Variants in NCAPG observed in about 807,000 individuals in gnomAD.
The protein encoded by NCAPG is non-SMC condensin I complex subunit G.
In NCAPG, 69 loss-of-function variants were observed where a neutral mutation model predicts 113.1. The ratio of observed to expected loss-of-function variants is 0.61; its 90% confidence interval spans 0.50 to 0.75. The LOEUF is 0.75. Among genes scored for constraint, NCAPG ranks in the 30% least tolerant of loss-of-function variants. The probability of loss-of-function intolerance (pLI) is 0.00; values close to 1 mark genes in which losing one functional copy is unlikely to be tolerated. For synonymous variants in NCAPG, 370 were observed against 415.8 expected (o/e 0.89, Z 1.34); for missense variants, 1,058 against 1,177.0 (o/e 0.90, Z 1.48).
intron 7 of NCAPG, 138 bp from the exon 8 acceptor site, chr4:17,822,845 T>C (rs1010431268): frequency 1.3e-5 from 7 of 540,420 alleles, no homozygotes; most frequent in Non-Finnish European, 1.2e-5. Flanking sequence ...ATTGAGTTTG[T>C]AGACCAAATT....
At position 17,811,700 on chromosome 4, in the gene NCAPG, C is replaced by T. The variant is rs143142486; in HGVS notation, c.111+512C>T. Among the ~76,000 whole-genome samples the T allele has an allele frequency of 5.9e-5, 9 of 152,262 alleles. No homozygotes were observed. The East Asian group carries it at 1.2e-3, about 20-fold the overall frequency. ...GGGCCTGGCCATTCTTATTTATGTACATACTATTTGTTTGTTTTGAGTGGA... is the reference window on the plus strand; with the variant it reads ...GGGCCTGGCCATTCTTATTTATGTATATACTATTTGTTTGTTTTGAGTGGA... On this transcript the variant is annotated intron_variant, in intron 1 of 20. Transcript: ENST00000251496. The surrounding 1 kb of genome is among the most constrained non-coding windows in gnomAD (Gnocchi z 5.3).
Position 17,826,384 on chromosome 4 carries a change from G to A in NCAPG, c.1653+823G>A, listed in dbSNP as rs117535742. ...TATATAGGAGAGTTTCATGAGTTAT[G>A]TTTCTGATCTCTTTAGCCATAGACA... On this transcript the variant is annotated intron_variant, in intron 11 of 20. Transcript: ENST00000251496. Among the ~76,000 whole-genome samples, 120 of 152,184 alleles carry A rather than the reference G, an allele frequency of 7.9e-4. 5 individuals carry two copies. The East Asian group carries it at 0.019, about 24-fold the overall frequency.
chr4:17,826,026 TTTG>T (rs1180087232), intron 11 of NCAPG, among the ~76,000 whole-genome samples: 1 of 152,114 alleles, frequency 6.6e-6, no homozygotes. Context: ...GCTACGCAGC[TTTG>T]TTATTTTTAA....
intron 11 of NCAPG, 85 bp downstream of exon 11, chr4:17,825,646 C>A: frequency 1.7e-6 from 2 of 1,205,838 alleles, no homozygotes; most frequent in Non-Finnish European, 1.2e-6. Context: ...CTAGAATTGC[C>A]AAAATATATT....
chr4:17,811,041 G>A lies in NCAPG; in HGVS notation c.-37G>A, dbSNP rs1720898373. ...TGGCGGGCTGGCAGGCTGTAGCCGAGCGCGGGCAGGACTCGTCCCGGCAGG... is the reference window on the plus strand; with the variant it reads ...TGGCGGGCTGGCAGGCTGTAGCCGAACGCGGGCAGGACTCGTCCCGGCAGG... On this transcript the variant is annotated 5_prime_UTR_variant, in exon 1 of 21. Transcript: ENST00000251496. This position sits in a 1 kb window ranked among gnomAD's most constrained non-coding sequence, Gnocchi z 5.3. The A allele has an allele frequency of 3.0e-6, 4 of 1,350,274 alleles. No individual in the cohort carries two copies. Among genetic ancestry groups the A allele is most frequent in the Non-Finnish European group, 4.0e-6 (4 of 1,010,346 alleles). The allele number at this position is 1,350,274 out of a possible 1,614,324, so 83.6% of individuals were successfully genotyped here. A position where few individuals can be genotyped will look rare whatever the true frequency, so the allele number is the denominator to read the frequency against.
At chr4:17,840,581 T>C in intron 18 of NCAPG, 26 bp from the exon 19 acceptor site, 1 of 1,248,696 alleles carries the variant, frequency 8.0e-7, no homozygotes, top group Admixed American at 2.8e-5. Flanking sequence ...ATCTTATTTA[T>C]ATTGTTGTAT....
At chr4:17,825,708 C>T (rs1265334872) in intron 11 of NCAPG, 147 bp downstream of exon 11, 1 of 650,822 alleles carries the variant, frequency 1.5e-6, no homozygotes, top group East Asian at 3.5e-5. Flanking sequence ...AAAAGTTTTT[C>T]CCTGTTTCTA....
intron 7 of NCAPG, among the ~76,000 whole-genome samples, chr4:17,818,529 A>G (rs1198614045): frequency 2.0e-5 from 3 of 152,198 alleles, no homozygotes; most frequent in Non-Finnish European, 4.4e-5. Flanking sequence ...ATTGACTTTT[A>G]TGGCCACTAA....
intron 7 of NCAPG, 33 bp downstream of exon 7, chr4:17,818,121 T>C: frequency 6.3e-7 from 1 of 1,579,364 alleles, no homozygotes; most frequent in Non-Finnish European, 8.6e-7. Context: ...TGGAGAGTGA[T>C]TGTGTTGCTG....
chr4:17,839,557 A>G, intron 16 of NCAPG, 119 bp from the exon 17 acceptor site: 1 of 724,950 alleles, frequency 1.4e-6, no homozygotes, highest in Non-Finnish European at 2.0e-6. Flanking sequence ...TTGGTTTTAG[A>G]CATTTTATAT....
chr4:17,811,264 C>T lies in NCAPG; in HGVS notation c.111+76C>T, dbSNP rs1336565706. ...TCCCTCAGGGGCCCTCCGTGGCCCTCGGGCTCGGCGCACCGTGACTCCAGC... is the reference window on the plus strand; with the variant it reads ...TCCCTCAGGGGCCCTCCGTGGCCCTTGGGCTCGGCGCACCGTGACTCCAGC... On this transcript the variant is annotated intron_variant, in intron 1 of 20. Transcript: ENST00000251496. This position sits in a 1 kb window ranked among gnomAD's most constrained non-coding sequence, Gnocchi z 5.3. 5.9e-6 allele frequency: 5 copies of T among 851,338 alleles called. No homozygotes were observed. The highest frequency in any genetic ancestry group is 3.9e-5 in the South Asian group (2 of 51,582). 52.7% of individuals were successfully genotyped at this position (851,338 alleles called of 1,614,324 possible).
chr4:17,813,242 A>G, intron 3 of NCAPG, 97 bp downstream of exon 3: 1 of 945,766 alleles, frequency 1.1e-6, no homozygotes, highest in Non-Finnish European at 1.5e-6. Flanking sequence ...TTTGAAGAGT[A>G]TAGGTAATTA....
Position 17,811,064 on chromosome 4 carries a change from AGGGTTCC to A in NCAPG, c.-13_-7del. 1.4e-6 allele frequency: 2 copies of A among 1,459,848 alleles called. No homozygotes were observed. The highest frequency in any genetic ancestry group is 1.8e-6 in the Non-Finnish European group (2 of 1,096,922). The allele number at this position is 1,459,848 out of a possible 1,614,324, so 90.4% of individuals were successfully genotyped here. On this transcript the variant is annotated 5_prime_UTR_variant, in exon 1 of 21. Coordinates refer to ENST00000251496, the MANE Select transcript of NCAPG (RefSeq NM_022346.5). The surrounding 1 kb of genome is among the most constrained non-coding windows in gnomAD (Gnocchi z 5.3). ...GAGCGCGGGCAGGACTCGTCCCGGC[AGGGTTCC>A]AGAGCCATGGGAGCGGAAAGGAGGC...
chr4:17,820,989 C>T (rs148836511), intron 7 of NCAPG, among the ~76,000 whole-genome samples: 46 of 152,172 alleles, frequency 3.0e-4, no homozygotes, highest in Admixed American at 6.5e-4. Context: ...TGAGTGGTCT[C>T]TTCATTATAA....
In NCAPG at chr4:17,811,001, G is replaced by C; in HGVS notation, c.-77G>C. ...GCTGTCATAGAAGACTACTCGGAGAGCGCTGCCTCTGGGTTGGCGGGCTGG... is the reference window on the plus strand; with the variant it reads ...GCTGTCATAGAAGACTACTCGGAGACCGCTGCCTCTGGGTTGGCGGGCTGG... On this transcript the variant is annotated 5_prime_UTR_variant, in exon 1 of 21. Coordinates refer to ENST00000251496, the MANE Select transcript of NCAPG (RefSeq NM_022346.5). This position sits in a 1 kb window ranked among gnomAD's most constrained non-coding sequence, Gnocchi z 5.3. 6.1e-6 allele frequency: 5 copies of C among 823,750 alleles called. No individual in the cohort carries two copies. Among genetic ancestry groups the C allele is most frequent in the Non-Finnish European group, 9.1e-6 (5 of 548,698 alleles). The allele number at this position is 823,750 out of a possible 1,614,324, so 51.0% of individuals were successfully genotyped here. A position where few individuals can be genotyped will look rare whatever the true frequency, so the allele number is the denominator to read the frequency against.
intron 16 of NCAPG, among the ~76,000 whole-genome samples, chr4:17,838,834 T>C (rs563106311): frequency 8.5e-5 from 13 of 152,256 alleles, no homozygotes; most frequent in African/African-American, 3.1e-4. Flanking sequence ...AAACCACTTA[T>C]TGGAAAGATT....
intron 4 of NCAPG, 125 bp from the exon 5 acceptor site, chr4:17,815,149 T>C: frequency 8.1e-7 from 1 of 1,234,012 alleles, no homozygotes; most frequent in Non-Finnish European, 1.1e-6. Context: ...TCTTACTGTA[T>C]TAAGTATGTT....
At chr4:17,816,402 T>C (rs1364982216) in intron 5 of NCAPG, among the ~76,000 whole-genome samples, 1 of 152,174 alleles carries the variant, frequency 6.6e-6, no homozygotes, top group Non-Finnish European at 1.5e-5. Context: ...TACTAGTCCG[T>C]GGCCCAGGGG....
At chr4:17,824,862 C>G (rs1229910737) in intron 9 of NCAPG, 106 bp from the exon 10 acceptor site, 1 of 664,556 alleles carries the variant, frequency 1.5e-6, no homozygotes, top group Non-Finnish European at 2.5e-6. Flanking sequence ...TGTTTTTGCT[C>G]CATTATTCAA....
Sources: allele counts gnomAD v4.1 joint callset (sites outside exome capture counted in the v4.1 genomes callset), GRCh38; gene constraint gnomAD v4.1.1; non-coding constraint Gnocchi (gnomAD v3.1); transcripts MANE v1.5; gene names NCBI Gene and HGNC (gene_info 2026-07-23, HGNC 2026-07-21).